Variants in CTR9 observed in about 807,000 individuals in gnomAD.
The protein encoded by CTR9 is CTR9 component of Paf1/RNA polymerase II complex.
A neutral mutation model predicts 152.1 loss-of-function variants in CTR9; 41 were observed. The observed-to-expected ratio is 0.27, with a 90% confidence interval of 0.21 to 0.35. The LOEUF (loss-of-function observed/expected upper bound fraction) is 0.35, where lower values mean the gene tolerates loss of function less well. Ranked by LOEUF, CTR9 falls within the 10% of genes least tolerant of loss-of-function variation. The probability of loss-of-function intolerance (pLI) is 1.00; values close to 1 mark genes in which losing one functional copy is unlikely to be tolerated. For missense variants in CTR9, 917 were observed against 1,424.4 expected, an observed-to-expected ratio of 0.64 and a Z score of 5.73; for synonymous variants, 476 against 496.2, an observed-to-expected ratio of 0.96 and a Z score of 0.54.
intron 18 of CTR9, among the ~76,000 whole-genome samples, chr11:10,770,912 A>G (rs772309577): frequency 4.6e-5 from 7 of 152,244 alleles, no homozygotes; most frequent in Non-Finnish European, 8.8e-5. Flanking sequence ...TAGCTTTGCA[A>G]ACTTGCCATA....
intron 22 of CTR9, among the ~76,000 whole-genome samples, chr11:10,774,663 C>T (rs1410701516): frequency 2.6e-5 from 4 of 152,198 alleles, no homozygotes; most frequent in Non-Finnish European, 5.9e-5. Context: ...ATTTCTCATG[C>T]GGAGGTGCCT....
intron 12 of CTR9, among the ~76,000 whole-genome samples, chr11:10,765,367 G>T (rs543848792): frequency 2.2e-4 from 34 of 152,118 alleles, no homozygotes; most frequent in African/African-American, 7.5e-4. Flanking sequence ...TTATTTGTGT[G>T]TATGAGGGTT....
At chr11:10,763,072 A>T (rs1444837546) in intron 7 of CTR9, among the ~76,000 whole-genome samples, 1 of 151,214 alleles carries the variant, frequency 6.6e-6, no homozygotes, top group Non-Finnish European at 1.5e-5. Context: ...TCTATGATGT[A>T]GGTAATCTTA....
chr11:10,775,526 G>A lies in CTR9; in HGVS notation c.2988G>A (p.Lys996=), dbSNP rs751357815. The A allele has an allele frequency of 3.8e-5, 61 of 1,612,048 alleles. No individual in the cohort carries two copies. Among genetic ancestry groups the A allele is most frequent in the Admixed American group, 2.2e-4 (13 of 59,842 alleles). ...TTATGTTTGACATTCTTTAGCCCAAGCCAGAACGTCTGCCTCCATCAATGA... is the reference window on the plus strand; with the variant it reads ...TTATGTTTGACATTCTTTAGCCCAAACCAGAACGTCTGCCTCCATCAATGA... ...PPKAEKKKAP[K]PERLPPSMKG... is the part of the protein sequence containing the mutation. The change falls in exon 24 of 25, where the codon AAG becomes AAA. Residue 996 remains lysine (K), a synonymous_variant. Transcript: ENST00000361367.
intron 1 of CTR9, 37 bp from the exon 2 acceptor site, chr11:10,752,635 G>A (rs2135353023): frequency 2.1e-6 from 3 of 1,417,506 alleles, no homozygotes; most frequent in Non-Finnish European, 3.0e-6. Context: ...GAATTTTAAA[G>A]TGGAATAAGA....
At chr11:10,775,446 G>A in intron 23 of CTR9, 75 bp from the exon 24 acceptor site, 1 of 1,406,792 alleles carries the variant, frequency 7.1e-7, no homozygotes, top group Non-Finnish European at 9.9e-7. Context: ...TTGTATCATT[G>A]TAATGCAAAC....
intron 16 of CTR9, among the ~76,000 whole-genome samples, chr11:10,769,042 G>A (rs1863102373): frequency 6.6e-6 from 1 of 152,080 alleles, no homozygotes; most frequent in South Asian, 2.1e-4. Context: ...CCAACATGGT[G>A]AAACCCTGTC....
rs771962479 is a variant in CTR9 at position 10,755,734 on chromosome 11, A to C, written c.441A>C (p.Gln147His). Reference protein sequence around the residue: ...FCLLEGDKMDQADAQFHFVLN... With the variant: ...FCLLEGDKMDHADAQFHFVLN... ...TACTTGAGGGTGACAAAATGGATCAAGCTGATGCACAGTTTCATTTTGTAC... is the reference window on the plus strand; with the variant it reads ...TACTTGAGGGTGACAAAATGGATCACGCTGATGCACAGTTTCATTTTGTAC... Residue 147 changes from glutamine to histidine, a missense_variant, in exon 4 of 25, where the codon CAA (glutamine) becomes CAC (histidine). Gln to His is a conservative substitution (Grantham distance 24). Coordinates refer to ENST00000361367, the MANE Select transcript of CTR9 (RefSeq NM_014633.5). The C allele has an allele frequency of 6.2e-7, 1 of 1,613,726 alleles. No homozygotes were observed. The highest frequency in any genetic ancestry group is 2.2e-5 in the East Asian group (1 of 44,850).
Position 10,763,882 on chromosome 11 carries a change from A to C in CTR9, c.1194+3A>C. Reference sequence around the variant, plus strand: ...AAGAAAAACGAGATATTGCCAAGGTACATCTTTTTTTTAAAGTCTTAGCTG... The same window carrying C: ...AAGAAAAACGAGATATTGCCAAGGTCCATCTTTTTTTTAAAGTCTTAGCTG... On this transcript the variant is annotated splice_donor_region_variant and intron_variant, in intron 9 of 24. Coordinates refer to ENST00000361367, the MANE Select transcript of CTR9 (RefSeq NM_014633.5). 6.3e-7 allele frequency: 1 copy of C among 1,589,304 alleles called. No individual in the cohort carries two copies. The highest frequency in any genetic ancestry group is 8.6e-7 in the Non-Finnish European group (1 of 1,169,236).
At position 10,752,902 on chromosome 11, in the gene CTR9, G is replaced by A. The variant is rs112818649; in HGVS notation, c.144+132G>A. On this transcript the variant is annotated intron_variant, in intron 2 of 24. Coordinates refer to ENST00000361367, the MANE Select transcript of CTR9 (RefSeq NM_014633.5). ...TACCATGTGTATGGAAGTTAATTGT[G>A]TTAATAATTTATGGAACAATAAGGC... is the stretch of plus-strand genomic sequence containing the variant. The A allele has an allele frequency of 2.2e-3, 1,466 of 678,096 alleles. 9 individuals carry two copies. The African/African-American group carries it at 0.024, about 11-fold the overall frequency. The allele number at this position is 678,096 out of a possible 1,614,324, so 42.0% of individuals were successfully genotyped here.
At chr11:10,756,860 A>G (rs1258495176) in intron 5 of CTR9, 22 bp downstream of exon 5, 2 of 1,475,448 alleles carry the variant, frequency 1.4e-6, no homozygotes, top group African/African-American at 2.8e-5. Context: ...ATTTTATTTT[A>G]TGTCTAAACT....
chr11:10,753,040 G>C (rs1404733598), intron 2 of CTR9, among the ~76,000 whole-genome samples: 3 of 152,190 alleles, frequency 2.0e-5, no homozygotes, highest in Non-Finnish European at 2.9e-5. Flanking sequence ...TGCTTGTTCA[G>C]TGAAGGCTGG....
intron 24 of CTR9, among the ~76,000 whole-genome samples, chr11:10,777,570 T>G (rs1272685814): frequency 6.6e-6 from 1 of 152,178 alleles, no homozygotes; most frequent in Non-Finnish European, 1.5e-5. Context: ...TTTCAAAGAC[T>G]GAGCACTATT....
chr11:10,773,062 G>A, intron 20 of CTR9, 65 bp from the exon 21 acceptor site: 1 of 1,540,676 alleles, frequency 6.5e-7, no homozygotes, highest in African/African-American at 1.4e-5. Flanking sequence ...TAGGATGGTA[G>A]CCATTAATTT....
In CTR9 at chr11:10,778,912, G is replaced by T. The variant is rs1463486973; in HGVS notation, c.3329G>T (p.Gly1110Val). The T allele has an allele frequency of 1.9e-6, 3 of 1,614,072 alleles. No individual in the cohort carries two copies. In the Admixed American group the frequency reaches 5.0e-5, roughly 27 times the overall value. Residue 1110 changes from glycine (G) to valine (V), a missense_variant, in exon 25 of 25, where the codon GGG (glycine) becomes GTG (valine). By Grantham distance (109) the Gly-to-Val change is moderately radical. Coordinates refer to ENST00000361367, the MANE Select transcript of CTR9 (RefSeq NM_014633.5). ...EQSDNESVQS[G>V]RSHSGVSEND... ...TCTGACAATGAATCTGTGCAGTCAG[G>T]GAGAAGCCACTCAGGAGTTTCTGAG...
intron 3 of CTR9, 57 bp downstream of exon 3, chr11:10,755,254 A>G: frequency 6.4e-7 from 1 of 1,551,744 alleles, no homozygotes; most frequent in Middle Eastern, 1.8e-4. Context: ...ACATGAAAGC[A>G]AAATGTGTGT....
At position 10,774,992 on chromosome 11, in the gene CTR9, T is replaced by G. The variant is rs77933876; in HGVS notation, c.2886-215T>G. ...TTAATGAGAGCTCAGCAGTGACTAA[T>G]CAGCAGACATTGCATAAATACATAG... is the stretch of plus-strand genomic sequence containing the variant. On this transcript the variant is annotated intron_variant, in intron 22 of 24. Transcript: ENST00000361367. Among the ~76,000 whole-genome samples, 832 of 152,320 alleles carry G rather than the reference T, an allele frequency of 5.5e-3. 4 individuals are homozygous for G. The highest frequency in any genetic ancestry group is 0.019 in the African/African-American group (791 of 41,564).
rs1564966651 is a variant in CTR9 at position 10,760,288 on chromosome 11, T to G, written c.708T>G (p.Val236=). 6.2e-7 allele frequency: 1 copy of G among 1,614,066 alleles called. No homozygotes were observed. The highest frequency in any genetic ancestry group is 8.5e-7 in the Non-Finnish European group (1 of 1,179,950). ...ELNSKCVGAL[V]GLAVLELNNK... ...ATTCCAAATGCGTGGGAGCATTGGTTGGACTGGCTGTTCTAGAACTCAACA... is the reference window on the plus strand; with the variant it reads ...ATTCCAAATGCGTGGGAGCATTGGTGGGACTGGCTGTTCTAGAACTCAACA... Residue 236 remains valine (V), a synonymous_variant, in exon 6 of 25, where the codon GTT becomes GTG. Coordinates refer to ENST00000361367, the MANE Select transcript of CTR9 (RefSeq NM_014633.5).
At chr11:10,775,434 GATTGTAT>G (rs1863217098) in intron 23 of CTR9, 80 bp from the exon 24 acceptor site, 12 of 1,375,056 alleles carry the variant, frequency 8.7e-6, no homozygotes. Context: ...GTGGCTGTTT[GATTGTAT>G]CATTGTAATG....
Sources: gnomAD v4.1 joint callset for allele counts (sites outside exome capture counted in the v4.1 genomes callset) on GRCh38, gnomAD v4.1.1 for gene constraint, MANE v1.5 for transcripts, NCBI Gene and HGNC (gene_info 2026-07-23, HGNC 2026-07-21) for gene names.